Variants in DOCK10 observed in about 807,000 individuals in gnomAD.
DOCK10 encodes the protein dedicator of cytokinesis 10.
A neutral mutation model predicts 280.1 loss-of-function variants in DOCK10; 145 were observed. The observed-to-expected ratio is 0.52, with a 90% CI of 0.45 to 0.59. DOCK10 has a LOEUF of 0.59. DOCK10 is among the 20% of genes least tolerant of loss of function. The pLI, the probability that DOCK10 is intolerant of heterozygous loss-of-function variation, is 0.00. For synonymous variants in DOCK10, 915 were observed against 942.2 expected (o/e 0.97, Z 0.53); for missense variants, 2,368 against 2,651.7 (o/e 0.89, Z 2.35).
intron 31 of DOCK10, 109 bp from the exon 32 acceptor site, chr2:224,808,195 G>A (rs1259279084): frequency 2.3e-5 from 22 of 976,058 alleles, no homozygotes; most frequent in Non-Finnish European, 3.2e-5. Context: ...CACTAGGAGG[G>A]ATTCAGGAAT....
At position 224,862,656 on chromosome 2, in the gene DOCK10, C is replaced by T. The variant is rs1411055063; in HGVS notation, c.1685+8G>A. The T allele has an allele frequency of 6.2e-7, 1 of 1,611,192 alleles. No homozygotes were observed. Among genetic ancestry groups the T allele is most frequent in the African/African-American group, 1.3e-5 (1 of 74,824 alleles). ...TTTCTAGTCTGTTGGCTGCAACTGT[C>T]AACATACCTTACTGCCCAAGCAAAA... On this transcript the variant is annotated splice_region_variant and intron_variant, in intron 14 of 55. Coordinates refer to ENST00000258390, the MANE Select transcript of DOCK10 (RefSeq NM_014689.3).
chr2:224,892,274 C>G (rs1204952333), intron 4 of DOCK10, among the ~76,000 whole-genome samples: 1 of 151,350 alleles, frequency 6.6e-6, no homozygotes, highest in African/African-American at 2.4e-5. Flanking sequence ...TGGCCTACAC[C>G]TGTAATCCCA....
In DOCK10 at chr2:224,818,700, C is replaced by T. The variant is rs539297036; in HGVS notation, c.3267+746G>A. Among the ~76,000 whole-genome samples the T allele has an allele frequency of 6.2e-4, 95 of 152,120 alleles. 2 individuals carry two copies. Among genetic ancestry groups the T allele is most frequent in the Non-Finnish European group, 2.2e-4 (15 of 68,012 alleles). On this transcript the variant is annotated intron_variant, in intron 29 of 55. Transcript: ENST00000258390. ...GGCGTGAGCCACCGCGCCCTGCCAG[C>T]CCCTGCTCTTTTCAAAGCCTGCTTC... is the stretch of plus-strand genomic sequence containing the variant.
chr2:224,925,967 A>G (rs1010068498), intron 2 of DOCK10, among the ~76,000 whole-genome samples: 12 of 152,288 alleles, frequency 7.9e-5, no homozygotes, highest in African/African-American at 2.9e-4. Context: ...TGAGTCACAC[A>G]CTTTGGTGAC....
rs144192577 is a variant in DOCK10 at position 224,765,432 on chromosome 2, T to C, written c.*289A>G. The C allele has an allele frequency of 3.0e-3, 919 of 303,668 alleles. 10 individuals are homozygous for C. Among genetic ancestry groups the C allele is most frequent in the African/African-American group, 0.018 (843 of 46,130 alleles). The allele number at this position is 303,668 out of a possible 1,614,324, so 18.8% of individuals were successfully genotyped here. ...TAAAATATGTGTACTAGGACTGGGGTACTGACCATACAATAACTGACAGCA... is the reference window on the plus strand; with the variant it reads ...TAAAATATGTGTACTAGGACTGGGGCACTGACCATACAATAACTGACAGCA... On this transcript the variant is annotated 3_prime_UTR_variant, in exon 56 of 56. Transcript: ENST00000258390.
intron 27 of DOCK10, among the ~76,000 whole-genome samples, chr2:224,824,967 G>A (rs1460650517): frequency 6.7e-6 from 1 of 149,308 alleles, no homozygotes; most frequent in African/African-American, 2.5e-5. Flanking sequence ...AGCTGGTTTA[G>A]GCTGGCTTCT....
At chr2:224,798,051 C>A in intron 41 of DOCK10, 82 bp from the exon 42 acceptor site, 1 of 1,404,480 alleles carries the variant, frequency 7.1e-7, no homozygotes, top group South Asian at 1.2e-5. Context: ...GTGAACCTGT[C>A]ATGTGGTAAG....
At chr2:224,887,677 G>C (rs1477686771) in intron 4 of DOCK10, among the ~76,000 whole-genome samples, 1 of 152,040 alleles carries the variant, frequency 6.6e-6, no homozygotes, top group Non-Finnish European at 1.5e-5. Flanking sequence ...AATTTTATTG[G>C]ATATGCTTGA....
intron 1 of DOCK10, among the ~76,000 whole-genome samples, chr2:224,976,096 G>C (rs2126230365): frequency 6.6e-6 from 1 of 152,206 alleles, no homozygotes; most frequent in Non-Finnish European, 1.5e-5. Context: ...TTTATAATGT[G>C]AATTAGTTTA....
At chr2:224,813,535 A>G (rs1693924449) in intron 31 of DOCK10, among the ~76,000 whole-genome samples, 1 of 152,206 alleles carries the variant, frequency 6.6e-6, no homozygotes, top group Non-Finnish European at 1.5e-5. Context: ...GGAAAACAGT[A>G]GTACTAGCAC....
At position 225,042,216 on chromosome 2, in the gene DOCK10, G is replaced by A; in HGVS notation, c.123+36C>T. The A allele has an allele frequency of 8.1e-7, 1 of 1,237,780 alleles. No individual in the cohort carries two copies. Among genetic ancestry groups the A allele is most frequent in the East Asian group, 3.3e-5 (1 of 30,660 alleles). The allele number at this position is 1,237,780 out of a possible 1,614,324, so 76.7% of individuals were successfully genotyped here. ...GCTCCGTTCCCCCCGGGCGCCTGGGGCGCGCGGGAAGGCGCGGAGGACGCG... is the reference window on the plus strand; with the variant it reads ...GCTCCGTTCCCCCCGGGCGCCTGGGACGCGCGGGAAGGCGCGGAGGACGCG... On this transcript the variant is annotated intron_variant, in intron 1 of 55. Coordinates refer to ENST00000258390, the MANE Select transcript of DOCK10 (RefSeq NM_014689.3). This position sits in a 1 kb window ranked among gnomAD's most constrained non-coding sequence, Gnocchi z 5.1.
chr2:224,791,664 C>T (rs1267165189), intron 47 of DOCK10, among the ~76,000 whole-genome samples: 5 of 145,702 alleles, frequency 3.4e-5, no homozygotes, highest in Admixed American at 7.0e-5. Context: ...TTAGTAGAGA[C>T]GGGGTTTCAT....
intron 53 of DOCK10, among the ~76,000 whole-genome samples, chr2:224,772,447 G>A (rs1017075672): frequency 6.6e-6 from 1 of 152,120 alleles, no homozygotes; most frequent in African/African-American, 2.4e-5. Context: ...AGAGTACTAA[G>A]CCCCAGGGCG....
intron 55 of DOCK10, among the ~76,000 whole-genome samples, chr2:224,766,063 T>G (rs1690064182): frequency 6.6e-6 from 1 of 152,236 alleles, no homozygotes; most frequent in Non-Finnish European, 1.5e-5. Context: ...TCTTCTGCTA[T>G]CTGACATAAA....
intron 1 of DOCK10, among the ~76,000 whole-genome samples, chr2:224,961,481 T>TTTCTTTCTTTCTCTTTCTTTCC: frequency 6.7e-6 from 1 of 148,910 alleles, no homozygotes; most frequent in Admixed American, 6.9e-5. Context: ...TCTTTCTTTC[T>TTTCTTTCTTTCTCTTTCTTTCC]TTCTCTTTCT....
At chr2:224,917,101 C>CTTTTTTTTTTTTTTTTTTTTTTTTTTT (rs58223345) in intron 2 of DOCK10, among the ~76,000 whole-genome samples, 5 of 95,774 alleles carry the variant, frequency 5.2e-5, no homozygotes, top group African/African-American at 1.8e-4. Flanking sequence ...CTATTGGAAT[C>CTTTTTTTTTTTTTTTTTTTTTTTTTTT]TTTTTTTTTT....
In DOCK10 at chr2:224,786,659, A is replaced by C. The variant is rs959296585; in HGVS notation, c.5655+363T>G. ...TTCTCTTATTTCCTAGAATATTAGG[A>C]ATGTTATTTCTTAAAACATATTCAA... is the stretch of plus-strand genomic sequence containing the variant. On this transcript the variant is annotated intron_variant, in intron 50 of 55. Transcript: ENST00000258390. This position sits in a 1 kb window ranked among gnomAD's most constrained non-coding sequence, Gnocchi z 4.7. 5.3e-5 allele frequency among the ~76,000 whole-genome samples: 8 copies of C among 152,218 alleles called. No homozygotes were observed. Among genetic ancestry groups the C allele is most frequent in the African/African-American group, 2.4e-5 (1 of 41,450 alleles).
At position 225,001,460 on chromosome 2, in the gene DOCK10, T is replaced by C. The variant is rs553589057; in HGVS notation, c.123+40792A>G. Among the ~76,000 whole-genome samples the C allele has an allele frequency of 2.6e-5, 4 of 152,034 alleles. No homozygotes were observed. The East Asian group carries it at 5.8e-4, about 22-fold the overall frequency. On this transcript the variant is annotated intron_variant, in intron 1 of 55. Coordinates refer to ENST00000258390, the MANE Select transcript of DOCK10 (RefSeq NM_014689.3). ...GCCCGCCACCATGCCTGGCTAATTT[T>C]TGTGTATTTAGTAGAGATGGGGTTT...
chr2:224,819,292 C>T (rs751068188), intron 29 of DOCK10, among the ~76,000 whole-genome samples, 154 bp downstream of exon 29: 17 of 152,228 alleles, frequency 1.1e-4, no homozygotes, highest in Non-Finnish European at 1.9e-4. Flanking sequence ...GGTAGGCACA[C>T]TCAGCAGATG....
Sources: gnomAD v4.1 joint callset for allele counts (sites outside exome capture counted in the v4.1 genomes callset) on GRCh38, gnomAD v4.1.1 for gene constraint, Gnocchi (gnomAD v3.1) non-coding constraint, MANE v1.5 for transcripts, NCBI Gene and HGNC (gene_info 2026-07-23, HGNC 2026-07-21) for gene names.